NRDE2: variants seen among roughly 807,000 people sequenced by gnomAD.
NRDE2 encodes NRDE-2, necessary for RNA interference, domain containing.
In NRDE2, 76 loss-of-function variants were observed where a neutral mutation model predicts 124.2. That is an observed-to-expected ratio of 0.61 (90% CI 0.51 to 0.74). The LOEUF (loss-of-function observed/expected upper bound fraction) is 0.74, where lower values mean the gene tolerates loss of function less well. NRDE2 is among the 30% of genes least tolerant of loss of function. The pLI is 0.00. For synonymous variants in NRDE2, 489 were observed against 528.1 expected, an observed-to-expected ratio of 0.93 and a Z score of 1.01; for missense variants, 1,314 against 1,417.3, an observed-to-expected ratio of 0.93 and a Z score of 1.17.
intron 12 of NRDE2, among the ~76,000 whole-genome samples, chr14:90,282,226 G>C (rs1190383677): frequency 1.4e-4 from 21 of 152,112 alleles, no homozygotes. Context: ...CCCATGATCT[G>C]AACACTTTGG....
chr14:90,297,221 A>G (rs2139683183), intron 8 of NRDE2, among the ~76,000 whole-genome samples: 1 of 152,142 alleles, frequency 6.6e-6, no homozygotes, highest in Non-Finnish European at 1.5e-5. Flanking sequence ...CCAGATTTCA[A>G]AGAGTACTAA....
chr14:90,309,234 G>T (rs1018426362), intron 4 of NRDE2, among the ~76,000 whole-genome samples: 4 of 151,444 alleles, frequency 2.6e-5, no homozygotes, highest in African/African-American at 9.7e-5. Flanking sequence ...TGGGATGGAA[G>T]AATTAAATCC....
Position 90,290,305 on chromosome 14 carries a change from A to G in NRDE2, c.2145T>C (p.Asn715=), listed in dbSNP as rs1366134963. The change falls in exon 10 of 14, where the codon AAT becomes AAC. Residue 715 remains asparagine (N), a synonymous_variant. Coordinates refer to ENST00000354366, the MANE Select transcript of NRDE2 (RefSeq NM_017970.4). ...ATAAAGGCATGACAAGGTGGAAGACATTGCGGATGAACTCCTCGCCCTCTC... is the reference window on the plus strand; with the variant it reads ...ATAAAGGCATGACAAGGTGGAAGACGTTGCGGATGAACTCCTCGCCCTCTC... ...QNREGEEFIR[N]VFHLVMPLFS... is the part of the protein sequence containing the mutation. The G allele has an allele frequency of 3.1e-6, 5 of 1,614,126 alleles. No individual in the cohort carries two copies. Among genetic ancestry groups the G allele is most frequent in the Non-Finnish European group, 3.4e-6 (4 of 1,180,034 alleles).
rs1409651937 is a variant in NRDE2 at position 90,275,032 on chromosome 14, G to C, written c.*3304C>G. On this transcript the variant is annotated 3_prime_UTR_variant, in exon 14 of 14. Coordinates refer to ENST00000354366, the MANE Select transcript of NRDE2 (RefSeq NM_017970.4). ...CTTTGAAAGTACGTGCCACCCAAGA[G>C]TGTCAGTGCTGTCACACTCCTGCCA... is the stretch of plus-strand genomic sequence containing the variant. The C allele has an allele frequency of 6.6e-6, 1 of 152,214 alleles. No homozygotes were observed. The highest frequency in any genetic ancestry group is 2.4e-5 in the African/African-American group (1 of 41,438). 9.4% of individuals were successfully genotyped at this position (152,214 alleles called of 1,614,324 possible).
In NRDE2 at chr14:90,288,496, G is replaced by C. The variant is rs563096641; in HGVS notation, c.2879C>G (p.Ala960Gly). 5.6e-6 allele frequency: 9 copies of C among 1,614,158 alleles called. No homozygotes were observed. The African/African-American group carries it at 8.0e-5, about 14-fold the overall frequency. ...SSQSWTSVLEAITLMHTSLLR... is the reference protein window; with the variant it reads ...SSQSWTSVLEGITLMHTSLLR... ...CAGGCTCGTGTGCATCAGTGTGATG[G>C]CTTCGAGAACACTGGTCCAACTCTG... The change falls in exon 11 of 14, where the codon GCC (alanine) becomes GGC (glycine). Residue 960 changes from alanine to glycine, a missense_variant. Coordinates refer to ENST00000354366, the MANE Select transcript of NRDE2 (RefSeq NM_017970.4).
intron 3 of NRDE2, among the ~76,000 whole-genome samples, chr14:90,313,946 A>G (rs141353975): frequency 2.5e-4 from 38 of 152,334 alleles, no homozygotes; most frequent in African/African-American, 8.4e-4. Flanking sequence ...ATAACGGGCA[A>G]TGAAAAGATG....
intron 11 of NRDE2, among the ~76,000 whole-genome samples, 187 bp downstream of exon 11, chr14:90,288,030 C>T (rs948101851): frequency 3.2e-4 from 49 of 152,200 alleles, no homozygotes; most frequent in African/African-American, 1.2e-3. Context: ...TCCTGAGAGG[C>T]GCCGCTACTT....
chr14:90,269,919 T>A lies in NRDE2; in HGVS notation c.*8417A>T. On this transcript the variant is annotated 3_prime_UTR_variant, in exon 14 of 14. Transcript: ENST00000354366. ...TGTTTGCTGTCTTTTGTAATGTTTTTAACACAATAGGTCTGCCCAGTTTCA... is the reference window on the plus strand; with the variant it reads ...TGTTTGCTGTCTTTTGTAATGTTTTAAACACAATAGGTCTGCCCAGTTTCA... The A allele has an allele frequency of 4.8e-6, 2 of 412,510 alleles. No homozygotes were observed. Among genetic ancestry groups the A allele is most frequent in the Non-Finnish European group, 8.6e-6 (2 of 233,668 alleles). 25.6% of individuals were successfully genotyped at this position (412,510 alleles called of 1,614,324 possible).
chr14:90,307,165 A>C (rs907713857), intron 4 of NRDE2, among the ~76,000 whole-genome samples: 5 of 152,198 alleles, frequency 3.3e-5, no homozygotes. Flanking sequence ...AAAATAGTTG[A>C]TATCACATAG....
At chr14:90,323,392 A>G (rs1885309708) in intron 1 of NRDE2, among the ~76,000 whole-genome samples, 1 of 152,244 alleles carries the variant, frequency 6.6e-6, no homozygotes, top group South Asian at 2.1e-4. Context: ...ATTGGATAAA[A>G]TATCCAAGTT....
chr14:90,306,897 T>C (rs907805503), intron 4 of NRDE2, among the ~76,000 whole-genome samples: 17 of 152,206 alleles, frequency 1.1e-4, no homozygotes, highest in African/African-American at 4.1e-4. Context: ...CTAGTTTTGT[T>C]CTCCTTTATC....
At chr14:90,309,906 A>T (rs952635579) in intron 4 of NRDE2, among the ~76,000 whole-genome samples, 2 of 152,226 alleles carry the variant, frequency 1.3e-5, no homozygotes, top group Non-Finnish European at 2.9e-5. Context: ...CTTGCAGTTT[A>T]GATTAATAAG....
rs990171901 is a variant in NRDE2, at chr14:90,278,792, G to C, written c.3369+270C>G. 1.5e-4 allele frequency: 83 copies of C among 540,536 alleles called. 1 individual carries two copies. Among genetic ancestry groups the C allele is most frequent in the Admixed American group, 2.6e-4 (8 of 30,882 alleles). The allele number at this position is 540,536 out of a possible 1,614,324, so 33.5% of individuals were successfully genotyped here. Reference sequence around the variant, plus strand: ...CTGGGACATGATCCCAACTCTTTCAGCATCTGGGCTGGACTCTGACCAAAT... The same window carrying C: ...CTGGGACATGATCCCAACTCTTTCACCATCTGGGCTGGACTCTGACCAAAT... On this transcript the variant is annotated intron_variant, in intron 13 of 13. Coordinates refer to ENST00000354366, the MANE Select transcript of NRDE2 (RefSeq NM_017970.4).
intron 11 of NRDE2, 100 bp from the exon 12 acceptor site, chr14:90,286,592 G>A: frequency 1.4e-6 from 2 of 1,424,178 alleles, no homozygotes; most frequent in Non-Finnish European, 1.9e-6. Context: ...GCAACAACCA[G>A]ATCAGACAGA....
chr14:90,309,311 A>G (rs1595070728), intron 4 of NRDE2, among the ~76,000 whole-genome samples: 1 of 131,262 alleles, frequency 7.6e-6, no homozygotes, highest in African/African-American at 2.7e-5. Flanking sequence ...GGCATACGGG[A>G]AAAAAAAAAA....
intron 1 of NRDE2, among the ~76,000 whole-genome samples, chr14:90,326,360 G>A (rs958631881): frequency 2.6e-5 from 4 of 152,006 alleles, no homozygotes; most frequent in Non-Finnish European, 5.9e-5. Flanking sequence ...CGGGCGCGGT[G>A]GCGGGCGCCT....
chr14:90,316,562 G>A lies in NRDE2; in HGVS notation c.407+16C>T. 2 of 1,565,766 alleles carry A rather than the reference G, an allele frequency of 1.3e-6. No homozygotes were observed. Among genetic ancestry groups the A allele is most frequent in the Non-Finnish European group, 1.7e-6 (2 of 1,144,982 alleles). On this transcript the variant is annotated intron_variant, in intron 3 of 13. Coordinates refer to ENST00000354366, the MANE Select transcript of NRDE2 (RefSeq NM_017970.4). ...AAGACTTAAAATATCATAGGTGCTT[G>A]AGAACAGCAACCTACTTCGGTTCCT...
At chr14:90,282,895 G>A (rs547861969) in intron 12 of NRDE2, among the ~76,000 whole-genome samples, 130 of 152,238 alleles carry the variant, frequency 8.5e-4, no homozygotes, top group Non-Finnish European at 1.5e-3. Flanking sequence ...TCGAACTCCC[G>A]AACTCCTTCA....
At position 90,269,985 on chromosome 14, in the gene NRDE2, A is replaced by T; in HGVS notation, c.*8351T>A. On this transcript the variant is annotated 3_prime_UTR_variant, in exon 14 of 14. Coordinates refer to ENST00000354366, the MANE Select transcript of NRDE2 (RefSeq NM_017970.4). ...TTTCATTTATTTCTGAAGGTACCAA[A>T]GCAGAGAGAGTTTCTTTTAAATGAA... 1 of 547,166 alleles carries T rather than the reference A, an allele frequency of 1.8e-6. No individual in the cohort carries two copies. The highest frequency in any genetic ancestry group is 3.0e-5 in the East Asian group (1 of 33,022). 33.9% of individuals were successfully genotyped at this position (547,166 alleles called of 1,614,324 possible).
Sources: gnomAD v4.1 joint callset for allele counts (sites outside exome capture counted in the v4.1 genomes callset) on GRCh38, gnomAD v4.1.1 for gene constraint, MANE v1.5 for transcripts, NCBI Gene and HGNC (gene_info 2026-07-23, HGNC 2026-07-21) for gene names.